The following C7orf33 variants were observed in gnomAD, a reference collection of about 807,000 sequenced individuals.
The protein encoded by C7orf33 is chromosome 7 open reading frame 33.
A neutral mutation model predicts 13.4 loss-of-function variants in C7orf33; 15 were observed. The ratio of observed to expected loss-of-function variants is 1.12; its 90% CI spans 0.75 to 1.72. C7orf33 has a LOEUF of 1.72. Ranked by LOEUF, C7orf33 falls within the 40% of genes most tolerant of loss-of-function variation. The probability of loss-of-function intolerance (pLI) is 0.00; values close to 1 mark genes in which losing one functional copy is unlikely to be tolerated. For missense variants in C7orf33, 187 were observed against 220.3 expected (o/e 0.85, Z 0.96); for synonymous variants, 73 against 83.2 (o/e 0.88, Z 0.67).
intron 1 of C7orf33, among the ~76,000 whole-genome samples, chr7:148,612,646 C>A (rs1796557291): frequency 6.6e-6 from 1 of 152,126 alleles, no homozygotes; most frequent in African/African-American, 2.4e-5. Flanking sequence ...TACTCAACAT[C>A]ATTAGCCATT....
chr7:148,595,329 A>C (rs1264492999), intron 1 of C7orf33, among the ~76,000 whole-genome samples: 2 of 139,858 alleles, frequency 1.4e-5, no homozygotes, highest in African/African-American at 5.3e-5. Flanking sequence ...AGATATATCT[A>C]TATAATATAG....
At chr7:148,609,460 A>G (rs1419702877) in intron 1 of C7orf33, among the ~76,000 whole-genome samples, 4 of 152,258 alleles carry the variant, frequency 2.6e-5, no homozygotes, top group Non-Finnish European at 5.9e-5. Context: ...TAAAAAGAGA[A>G]TTTCAGAGAT....
intron 1 of C7orf33, among the ~76,000 whole-genome samples, chr7:148,604,943 T>C (rs1284798990): frequency 6.6e-6 from 1 of 152,116 alleles, no homozygotes; most frequent in African/African-American, 2.4e-5. Context: ...AAAAAACTCC[T>C]AATAGAGGCT....
chr7:148,594,939 G>C (rs1796311478), intron 1 of C7orf33, among the ~76,000 whole-genome samples: 1 of 151,974 alleles, frequency 6.6e-6, no homozygotes, highest in Non-Finnish European at 1.5e-5. Context: ...TGAGACAACA[G>C]TGAGCCACAA....
chr7:148,613,775 C>T (rs1796572639), intron 1 of C7orf33, among the ~76,000 whole-genome samples: 1 of 152,190 alleles, frequency 6.6e-6, no homozygotes, highest in Non-Finnish European at 1.5e-5. Flanking sequence ...CTGATAACCA[C>T]TGTAAACCTT....
chr7:148,607,823 T>TA (rs1419056547), intron 1 of C7orf33, among the ~76,000 whole-genome samples: 1 of 152,224 alleles, frequency 6.6e-6, no homozygotes, highest in East Asian at 1.9e-4. Context: ...GCCTGACACT[T>TA]ATACTCTTTT....
At chr7:148,615,252 A>G (rs957022509) in intron 2 of C7orf33, 75 bp from the exon 3 acceptor site, 10 of 1,020,276 alleles carry the variant, frequency 9.8e-6, no homozygotes, top group Middle Eastern at 2.1e-4. Context: ...ACAGTGTTTT[A>G]AACTGTGCTA....
At chr7:148,610,766 G>A (rs1420408991) in intron 1 of C7orf33, among the ~76,000 whole-genome samples, 2 of 152,094 alleles carry the variant, frequency 1.3e-5, no homozygotes, top group African/African-American at 4.8e-5. Context: ...TAAAGGGACA[G>A]CAATGGGGCA....
At chr7:148,609,849 T>C (rs1796515145) in intron 1 of C7orf33, among the ~76,000 whole-genome samples, 1 of 152,220 alleles carries the variant, frequency 6.6e-6, no homozygotes, top group South Asian at 2.1e-4. Context: ...GGAGAAATGC[T>C]GAGTGGGCTA....
At chr7:148,612,559 T>C (rs910578706) in intron 1 of C7orf33, among the ~76,000 whole-genome samples, 1 of 151,238 alleles carries the variant, frequency 6.6e-6, no homozygotes. Context: ...AATAACCCAA[T>C]GTTTTTAATG....
intron 1 of C7orf33, among the ~76,000 whole-genome samples, chr7:148,598,679 CACAT>C (rs1796370968): frequency 7.1e-6 from 1 of 141,002 alleles, no homozygotes; most frequent in African/African-American, 2.7e-5. Context: ...CACACACACA[CACAT>C]ACCTATATAT....
intron 1 of C7orf33, among the ~76,000 whole-genome samples, chr7:148,597,174 A>G (rs778803014): frequency 6.1e-5 from 9 of 147,716 alleles, no homozygotes; most frequent in Non-Finnish European, 9.1e-5. Flanking sequence ...ATTTGGATAC[A>G]TATATATATA....
At chr7:148,598,757 TATATATAGAGAGAGAG>T (rs1346669460) in intron 1 of C7orf33, among the ~76,000 whole-genome samples, 175 of 41,218 alleles carry the variant, frequency 4.2e-3, no homozygotes, top group African/African-American at 5.6e-3. Context: ...TATATATATA[TATATATAGAGAGAGAG>T]AGAGAGAGAG....
chr7:148,595,172 T>C lies in C7orf33; in HGVS notation c.204+4043T>C, dbSNP rs78454705. 9.5e-3 allele frequency among the ~76,000 whole-genome samples: 1,429 copies of C among 150,280 alleles called. 21 individuals are homozygous for C. Among genetic ancestry groups the C allele is most frequent in the African/African-American group, 0.033 (1,363 of 40,942 alleles). ...GCAGCCTTGACCTCCTGGGTTCAAG[T>C]GATCGATCCTCCTGCTTCAGCCTCC... On this transcript the variant is annotated intron_variant, in intron 1 of 2. Transcript: ENST00000307003.
intron 1 of C7orf33, among the ~76,000 whole-genome samples, chr7:148,591,885 G>C (rs924112089): frequency 1.3e-5 from 2 of 152,074 alleles, no homozygotes; most frequent in Non-Finnish European, 2.9e-5. Context: ...TTAACTCTTT[G>C]CCTGTCTTTG....
At chr7:148,597,224 T>C (rs1443064035) in intron 1 of C7orf33, among the ~76,000 whole-genome samples, 3 of 151,532 alleles carry the variant, frequency 2.0e-5, no homozygotes, top group Non-Finnish European at 4.4e-5. Flanking sequence ...TGCATATATA[T>C]TTAACCAAAA....
At chr7:148,591,840 C>T (rs1205517861) in intron 1 of C7orf33, among the ~76,000 whole-genome samples, 1 of 152,114 alleles carries the variant, frequency 6.6e-6, no homozygotes, top group Non-Finnish European at 1.5e-5. Context: ...TTCAACATCC[C>T]GAAGTGCCAC....
Position 148,604,630 on chromosome 7 carries a change from C to T in C7orf33, c.205-9412C>T, listed in dbSNP as rs566319997. On this transcript the variant is annotated intron_variant, in intron 1 of 2. Coordinates refer to ENST00000307003, the MANE Select transcript of C7orf33 (RefSeq NM_145304.4). ...AGTGTACCCTGCTCAGGTGATGGGTCCACCAGAATCTCAGAAATCACCACT... is the reference window on the plus strand; with the variant it reads ...AGTGTACCCTGCTCAGGTGATGGGTTCACCAGAATCTCAGAAATCACCACT... 5.3e-5 allele frequency among the ~76,000 whole-genome samples: 8 copies of T among 152,210 alleles called. No individual in the cohort carries two copies. The South Asian group carries it at 1.7e-3, about 32-fold the overall frequency.
At chr7:148,598,047 G>A (rs1008488327) in intron 1 of C7orf33, among the ~76,000 whole-genome samples, 46 of 152,252 alleles carry the variant, frequency 3.0e-4, no homozygotes, top group African/African-American at 2.2e-4. Flanking sequence ...GAGCCACGGC[G>A]CCCAGCCTCC....
Sources: allele counts gnomAD v4.1 joint callset (sites outside exome capture counted in the v4.1 genomes callset), GRCh38; gene constraint gnomAD v4.1.1; transcripts MANE v1.5; gene names NCBI Gene and HGNC (gene_info 2026-07-23, HGNC 2026-07-21).